Variants in WASHC5 observed in about 807,000 individuals in gnomAD.
WASHC5 encodes the protein WASH complex subunit 5, also known as WASH complex subunit strumpellin.
In WASHC5, 101 loss-of-function variants were observed where a neutral mutation model predicts 150.4. That is an observed-to-expected ratio of 0.67 (90% CI 0.57 to 0.79). The LOEUF is 0.79. Among genes scored for constraint, WASHC5 ranks in the 30% least tolerant of loss-of-function variants. The probability of loss-of-function intolerance (pLI) is 0.00; values close to 1 mark genes in which losing one functional copy is unlikely to be tolerated. For synonymous variants in WASHC5, 467 were observed against 491.2 expected (o/e 0.95, Z 0.65); for missense variants, 1,195 against 1,396.3 (o/e 0.86, Z 2.30).
chr8:125,076,524 G>A (rs769106462), intron 6 of WASHC5, 24 bp from the exon 7 acceptor site: 12 of 1,612,488 alleles, frequency 7.4e-6, no homozygotes, highest in East Asian at 2.2e-5. Context: ...ACGACACCCC[G>A]AGAAAGCTGT....
At position 125,082,398 on chromosome 8, in the gene WASHC5, A is replaced by T. The variant is rs1817290757; in HGVS notation, c.402T>A (p.Asp134Glu). 1 of 1,559,466 alleles carries T rather than the reference A, an allele frequency of 6.4e-7. No individual in the cohort carries two copies. The highest frequency in any genetic ancestry group is 1.7e-5 in the Admixed American group (1 of 59,908). Residue 134 changes from aspartate to glutamate, a missense_variant, in exon 4 of 29, where the codon GAT becomes GAA. Coordinates refer to ENST00000318410, the MANE Select transcript of WASHC5 (RefSeq NM_014846.4). ...QTLETVLLNEDGKQLLCEALY... is the reference protein window; with the variant it reads ...QTLETVLLNEEGKQLLCEALY... ...TATTACTTACTAGAAGTTGTTTTCC[A>T]TCTTCATTGAGAAGCACAGTTTCTA...
chr8:125,032,444 C>G (rs749981524), intron 26 of WASHC5, 50 bp from the exon 27 acceptor site: 1 of 1,600,606 alleles, frequency 6.2e-7, no homozygotes, highest in Non-Finnish European at 8.6e-7. Flanking sequence ...CCTTCAGCAA[C>G]ATTCATTAAA....
Position 125,049,099 on chromosome 8 carries a change from G to A in WASHC5, c.2286C>T (p.Val762=). 6.2e-7 allele frequency: 1 copy of A among 1,613,564 alleles called. No homozygotes were observed. The highest frequency in any genetic ancestry group is 8.5e-7 in the Non-Finnish European group (1 of 1,179,838). The stretch of plus-strand genomic sequence containing the variant: ...GCCAAATCTTCAGACCATAAATGTT[G>A]ACATAGTCCTGTATGTATTCAAAAG... ...HRSFEYIQDY[V]NIYGLKIWQE... Residue 762 remains valine, a synonymous_variant, in exon 19 of 29, where the codon GTC becomes GTT. Coordinates refer to ENST00000318410, the MANE Select transcript of WASHC5 (RefSeq NM_014846.4).
At chr8:125,031,297 T>C (rs1045484627) in intron 27 of WASHC5, among the ~76,000 whole-genome samples, 3 of 152,128 alleles carry the variant, frequency 2.0e-5, no homozygotes, top group Admixed American at 2.0e-4. Context: ...TTTTTTGAGA[T>C]GGAGTCTCGC....
chr8:125,025,769 TAAAG>T (rs1227939209), intron 28 of WASHC5, among the ~76,000 whole-genome samples: 3 of 151,786 alleles, frequency 2.0e-5, no homozygotes, highest in Non-Finnish European at 4.4e-5. Flanking sequence ...CTTAATCCCT[TAAAG>T]AAAATAAAAA....
Position 125,028,411 on chromosome 8 carries a change from C to T in WASHC5, c.3423+209G>A, listed in dbSNP as rs946309091. On this transcript the variant is annotated intron_variant, in intron 28 of 28. Coordinates refer to ENST00000318410, the MANE Select transcript of WASHC5 (RefSeq NM_014846.4). ...GTACATGGTGGAGAGGAAGAAGAGG[C>T]GGGAGGGGCATTGTGTTAAACTCTG... Among the ~76,000 whole-genome samples, 7 of 152,150 alleles carry T rather than the reference C, an allele frequency of 4.6e-5. No individual in the cohort carries two copies. The South Asian group carries it at 6.2e-4, about 14-fold the overall frequency.
At position 125,072,144 on chromosome 8, in the gene WASHC5, C is replaced by T. The variant is rs977534674; in HGVS notation, c.1150+1009G>A. Among the ~76,000 whole-genome samples, 13 of 151,970 alleles carry T rather than the reference C, an allele frequency of 8.6e-5. No homozygotes were observed. The East Asian group carries it at 2.3e-3, about 27-fold the overall frequency. On this transcript the variant is annotated intron_variant, in intron 9 of 28. Transcript: ENST00000318410. Reference sequence around the variant, plus strand: ...CTGCTTGGGCTCAGGAGTTTGAGACCACCCTGGCCAACACAGTGAAACACT... The same window carrying T: ...CTGCTTGGGCTCAGGAGTTTGAGACTACCCTGGCCAACACAGTGAAACACT...
chr8:125,063,594 C>A lies in WASHC5; in HGVS notation c.1336G>T (p.Gly446Cys). The change falls in exon 11 of 29, where the codon GGT (glycine) becomes TGT (cysteine). Residue 446 changes from glycine (G) to cysteine (C), a missense_variant. Physicochemically the swap from Gly to Cys is radical, Grantham distance 159. Around this residue, in one of 3 missense-constraint regions of WASHC5, gnomAD observed 997 missense variants for 1,168.1 expected, o/e 0.85. Transcript: ENST00000318410. ...QTKWEHYKKE[G>C]SERMTELADV... is the part of the protein sequence containing the mutation. Reference sequence around the variant, plus strand: ...GCAAGCTCAGTCATCCGCTCCGAACCCTCTTTCTTGTAATGCTCCCATTTG... The same window carrying A: ...GCAAGCTCAGTCATCCGCTCCGAACACTCTTTCTTGTAATGCTCCCATTTG... The A allele has an allele frequency of 6.2e-7, 1 of 1,613,914 alleles. No homozygotes were observed. Among genetic ancestry groups the A allele is most frequent in the African/African-American group, 1.3e-5 (1 of 75,028 alleles).
At chr8:125,064,911 C>T (rs764262351) in intron 10 of WASHC5, among the ~76,000 whole-genome samples, 7 of 152,060 alleles carry the variant, frequency 4.6e-5, no homozygotes, top group East Asian at 3.9e-4. Flanking sequence ...AAAATGATGA[C>T]GGAGAGGATG....
chr8:125,048,876 CCTGAAAGTACT>C, intron 19 of WASHC5, 119 bp downstream of exon 19: 1 of 740,412 alleles, frequency 1.4e-6, no homozygotes, highest in Non-Finnish European at 2.2e-6. Flanking sequence ...CCTCCTGGCT[CCTGAAAGTACT>C]CTGAAGGTAC....
rs955087203 is a variant in WASHC5 at position 125,047,230 on chromosome 8, T to C, written c.2481A>G (p.Glu827=). The change falls in exon 20 of 29, where the codon GAA becomes GAG. Residue 827 remains glutamate, a synonymous_variant. Transcript: ENST00000318410. ...ACTTTGGGTCTGTGATCCGCAGGAT[T>C]TCTCTGCAGAGTCGACCAATAAACG... The part of the protein sequence containing the change: ...SVTFIGRLCR[E]ILRITDPKMT... 1 of 1,614,076 alleles carries C rather than the reference T, an allele frequency of 6.2e-7. No individual in the cohort carries two copies. The highest frequency in any genetic ancestry group is 8.5e-7 in the Non-Finnish European group (1 of 1,179,974).
At chr8:125,040,888 G>A (rs935253503) in intron 23 of WASHC5, 4 of 152,176 alleles carry the variant, frequency 2.6e-5, no homozygotes, top group African/African-American at 9.7e-5. Flanking sequence ...ATCTGGTGAA[G>A]CCTATGGACA....
intron 17 of WASHC5, among the ~76,000 whole-genome samples, chr8:125,053,787 C>T (rs1187396782): frequency 6.6e-6 from 1 of 152,094 alleles, no homozygotes. Flanking sequence ...GCACCATAAA[C>T]TATATGAATG....
At chr8:125,035,622 G>A (rs2288310) in intron 26 of WASHC5, among the ~76,000 whole-genome samples, 31,388 of 152,134 alleles carry the variant, frequency 0.21, 3,557 homozygotes, top group Middle Eastern at 0.36. Flanking sequence ...AAGTGGTGAA[G>A]CCAGATTCCA....
intron 1 of WASHC5, among the ~76,000 whole-genome samples, chr8:125,090,160 G>C (rs893506697): frequency 6.6e-6 from 1 of 152,156 alleles, no homozygotes; most frequent in African/African-American, 2.4e-5. Context: ...TCCTAACCCG[G>C]ACTAGTTATA....
chr8:125,076,211 C>A, intron 7 of WASHC5, 137 bp downstream of exon 7: 1 of 771,964 alleles, frequency 1.3e-6, no homozygotes, highest in East Asian at 2.7e-5. Context: ...ATTCTCAATA[C>A]AGTTAGAGCA....
intron 1 of WASHC5, among the ~76,000 whole-genome samples, chr8:125,085,779 C>T (rs112938429): frequency 0.038 from 5,715 of 152,188 alleles, 357 homozygotes; most frequent in African/African-American, 0.13. Context: ...GAGAAGGAAG[C>T]GAGAAAGACT....
chr8:125,067,601 T>G lies in WASHC5; in HGVS notation c.1269A>C (p.Ile423=). ...ATTCAAATATTTTTACCTCTTTGAG[T>G]ATAAACTCAAATTGTGCAGTATCTA... ...LLLDTAQFEF[I]LKEMFKQMLS... is the part of the protein sequence containing the mutation. Residue 423 remains isoleucine (I), a synonymous_variant, in exon 10 of 29, where the codon ATA becomes ATC. Transcript: ENST00000318410. 1 of 1,611,574 alleles carries G rather than the reference T, an allele frequency of 6.2e-7. No homozygotes were observed. The highest frequency in any genetic ancestry group is 8.5e-7 in the Non-Finnish European group (1 of 1,177,880).
chr8:125,056,665 G>A lies in WASHC5; in HGVS notation c.2016+12C>T. 1 of 1,613,974 alleles carries A rather than the reference G, an allele frequency of 6.2e-7. No homozygotes were observed. Among genetic ancestry groups the A allele is most frequent in the Non-Finnish European group, 8.5e-7 (1 of 1,179,874 alleles). On this transcript the variant is annotated intron_variant, in intron 16 of 28. Transcript: ENST00000318410. ...TTAATATGAAAAGGCAGAAGTCAGA[G>A]GGACACAGCACCTCGTATCGTGGGC...
Sources: allele counts gnomAD v4.1 joint callset (sites outside exome capture counted in the v4.1 genomes callset), GRCh38; gene constraint gnomAD v4.1.1; regional missense constraint gnomAD v4.1.1; transcripts MANE v1.5; gene names NCBI Gene and HGNC (gene_info 2026-07-23, HGNC 2026-07-21).